The following KHDRBS2 variants were observed in gnomAD, a reference collection of about 807,000 sequenced individuals.
KHDRBS2 encodes KH RNA binding domain containing, signal transduction associated 2.
Under a neutral mutation model 44.3 loss-of-function variants are expected in KHDRBS2, and 26 were observed. The ratio of observed to expected loss-of-function variants is 0.59; its 90% confidence interval spans 0.43 to 0.81. The LOEUF (loss-of-function observed/expected upper bound fraction) is 0.81. KHDRBS2 is among the 40% of genes least tolerant of loss of function. KHDRBS2 has a pLI of 0.00. For missense variants in KHDRBS2, 476 were observed against 433.1 expected, an observed-to-expected ratio of 1.10 and a Z score of -0.88; for synonymous variants, 194 against 151.1, an observed-to-expected ratio of 1.28 and a Z score of -2.08.
chr6:61,545,606 A>T, the KHDRBS2 span, among the ~76,000 whole-genome samples: 89,553 of 151,514 alleles, frequency 0.59, 26,675 homozygotes, highest in Non-Finnish European at 0.61. Flanking sequence ...TATATGTAGC[A>T]TACTGAATAT....
At chr6:62,156,431 A>C (rs1237898143) in intron 2 of KHDRBS2, among the ~76,000 whole-genome samples, 2 of 152,204 alleles carry the variant, frequency 1.3e-5, no homozygotes, top group Non-Finnish European at 2.9e-5. Flanking sequence ...AAGCAAGATG[A>C]AGTAATGGCA....
chr6:61,547,916 G>A, the KHDRBS2 span, among the ~76,000 whole-genome samples: 3 of 151,996 alleles, frequency 2.0e-5, no homozygotes, highest in Non-Finnish European at 2.9e-5. Context: ...ACAAGGGCTT[G>A]GAATAATTCA....
At chr6:61,877,787 T>C (rs1055250189) in intron 6 of KHDRBS2, among the ~76,000 whole-genome samples, 1 of 151,974 alleles carries the variant, frequency 6.6e-6, no homozygotes, top group African/African-American at 2.4e-5. Context: ...TCTGTAGTCA[T>C]TACATGATTA....
chr6:62,162,262 A>G (rs1817808324), intron 2 of KHDRBS2, among the ~76,000 whole-genome samples: 1 of 152,034 alleles, frequency 6.6e-6, no homozygotes, highest in Non-Finnish European at 1.5e-5. Flanking sequence ...TCTTGCAAGG[A>G]AGGTCTAGTG....
the KHDRBS2 span, among the ~76,000 whole-genome samples, chr6:61,591,113 G>C: frequency 6.6e-6 from 1 of 152,102 alleles, no homozygotes; most frequent in Non-Finnish European, 1.5e-5. Context: ...ATTGATCACT[G>C]TTTCTCATAC....
At chr6:61,724,432 C>A (rs774738754) in intron 7 of KHDRBS2, among the ~76,000 whole-genome samples, 21 of 152,094 alleles carry the variant, frequency 1.4e-4, no homozygotes, top group Admixed American at 2.0e-4. Flanking sequence ...CAGCTAGCAT[C>A]ATGATGAAAG....
chr6:62,237,316 T>C (rs976491400), intron 1 of KHDRBS2, among the ~76,000 whole-genome samples: 7 of 152,190 alleles, frequency 4.6e-5, no homozygotes, highest in African/African-American at 1.4e-4. Flanking sequence ...AATATAAGTA[T>C]GCTGTAAGTG....
intron 2 of KHDRBS2, among the ~76,000 whole-genome samples, chr6:62,075,895 ATC>A (rs3884304): frequency 6.8e-5 from 10 of 147,924 alleles, no homozygotes; most frequent in Non-Finnish European, 9.0e-5. Context: ...ATCTCTCCCT[ATC>A]TCTCTCTCTC....
intron 6 of KHDRBS2, among the ~76,000 whole-genome samples, chr6:61,793,467 A>G (rs1413921018): frequency 5.9e-5 from 9 of 152,072 alleles, no homozygotes; most frequent in Non-Finnish European, 1.0e-4. Context: ...ATAAAAATAT[A>G]AACAGGAACT....
At chr6:62,133,328 A>AT (rs1241833103) in intron 2 of KHDRBS2, among the ~76,000 whole-genome samples, 1 of 152,196 alleles carries the variant, frequency 6.6e-6, no homozygotes, top group Non-Finnish European at 1.5e-5. Context: ...AGTAAGTCTC[A>AT]TGAGATCTGA....
At chr6:61,642,239 T>A in the KHDRBS2 span, among the ~76,000 whole-genome samples, 2 of 152,148 alleles carry the variant, frequency 1.3e-5, no homozygotes, top group Non-Finnish European at 2.9e-5. Flanking sequence ...GGAAGATAGG[T>A]CATTCACTTT....
At chr6:61,636,674 G>A in the KHDRBS2 span, among the ~76,000 whole-genome samples, 2 of 152,066 alleles carry the variant, frequency 1.3e-5, no homozygotes, top group African/African-American at 2.4e-5. Flanking sequence ...CAATATATAC[G>A]ATGGCTCTCC....
At chr6:62,175,080 A>T (rs1370946253) in intron 2 of KHDRBS2, among the ~76,000 whole-genome samples, 1 of 151,654 alleles carries the variant, frequency 6.6e-6, no homozygotes, top group African/African-American at 2.4e-5. Context: ...AATAAGACAT[A>T]GTTTGTTTTC....
the KHDRBS2 span, among the ~76,000 whole-genome samples, chr6:61,554,513 A>G: frequency 4.0e-4 from 61 of 152,092 alleles, 1 homozygote; most frequent in Middle Eastern, 3.4e-3. Flanking sequence ...ATTTACATTC[A>G]AGGTTAGTAT....
intron 4 of KHDRBS2, among the ~76,000 whole-genome samples, chr6:61,908,240 G>A (rs1185016532): frequency 1.3e-5 from 2 of 152,078 alleles, no homozygotes; most frequent in Admixed American, 6.5e-5. Context: ...ACCTAAGTAT[G>A]TGAATAAGGA....
At chr6:61,555,112 T>A in the KHDRBS2 span, among the ~76,000 whole-genome samples, 2 of 151,968 alleles carry the variant, frequency 1.3e-5, no homozygotes, top group African/African-American at 4.8e-5. Flanking sequence ...CAAGTTGTTT[T>A]CTTTCTCTTC....
intron 7 of KHDRBS2, among the ~76,000 whole-genome samples, chr6:61,699,945 G>C (rs1189733908): frequency 6.6e-6 from 1 of 151,930 alleles, no homozygotes; most frequent in Non-Finnish European, 1.5e-5. Flanking sequence ...GCATTGGCTG[G>C]AATCTGGATG....
chr6:61,579,809 G>GA, the KHDRBS2 span, among the ~76,000 whole-genome samples: 2 of 138,256 alleles, frequency 1.4e-5, no homozygotes, highest in African/African-American at 2.8e-5. Flanking sequence ...TGTAATCCCA[G>GA]TACTTTGGGA....
At chr6:62,116,950 A>T in intron 2 of KHDRBS2, among the ~76,000 whole-genome samples, 1 of 152,272 alleles carries the variant, frequency 6.6e-6, no homozygotes, top group South Asian at 2.1e-4. Context: ...GCTGAATAAC[A>T]ATTTATTGTG....
Sources: gnomAD v4.1 joint callset for allele counts (sites outside exome capture counted in the v4.1 genomes callset) on GRCh38, gnomAD v4.1.1 for gene constraint, MANE v1.5 for transcripts, NCBI Gene and HGNC (gene_info 2026-07-23, HGNC 2026-07-21) for gene names.